Variants in KANSL1L observed in about 807,000 individuals in gnomAD.
KANSL1L encodes the protein KAT8 regulatory NSL complex subunit 1 like, also known as KAT8 regulatory NSL complex subunit 1-like protein.
KANSL1L carries 25 observed loss-of-function variants against 108.6 expected under a neutral mutation model. That is an observed-to-expected ratio of 0.23 (90% CI 0.17 to 0.32). KANSL1L has a LOEUF of 0.32. KANSL1L is among the 10% of genes least tolerant of loss of function. The probability of loss-of-function intolerance (pLI) is 1.00; values close to 1 mark genes in which losing one functional copy is unlikely to be tolerated. For missense variants in KANSL1L, 1,137 were observed against 1,125.7 expected (o/e 1.01, Z -0.14); for synonymous variants, 405 against 395.1 (o/e 1.03, Z -0.30).
intron 6 of KANSL1L, among the ~76,000 whole-genome samples, chr2:210,064,667 C>T (rs1198495813): frequency 2.0e-5 from 3 of 151,520 alleles, no homozygotes; most frequent in Non-Finnish European, 2.9e-5. Context: ...TTAAAATTAC[C>T]TGGGTGTGGC....
In KANSL1L at chr2:210,153,751, G is replaced by T. The variant is rs759774864; in HGVS notation, c.832C>A (p.Pro278Thr). Residue 278 changes from proline (P) to threonine (T), a missense_variant, in exon 2 of 15, where the codon CCT (proline) becomes ACT (threonine). By Grantham distance (38) the Pro-to-Thr change is conservative. Coordinates refer to ENST00000281772, the MANE Select transcript of KANSL1L (RefSeq NM_152519.4). Reference sequence around the variant, plus strand: ...AAACTATTACCCAAAATTGTGGTAGGTTCATGAAATGTCTTCATTTTGGGG... The same window carrying T: ...AAACTATTACCCAAAATTGTGGTAGTTTCATGAAATGTCTTCATTTTGGGG... Reference protein sequence around the residue: ...QLPKMKTFHEPTTILGNSLPK... With the variant: ...QLPKMKTFHETTTILGNSLPK... 35 of 1,610,560 alleles carry T rather than the reference G, an allele frequency of 2.2e-5. No homozygotes were observed. In the South Asian group the frequency reaches 3.8e-4, roughly 17 times the overall value.
chr2:210,062,987 A>G (rs2094434521), intron 6 of KANSL1L, among the ~76,000 whole-genome samples: 1 of 152,204 alleles, frequency 6.6e-6, no homozygotes, highest in Admixed American at 6.5e-5. Flanking sequence ...AGAGGTCTTC[A>G]TAGCAGCCCC....
chr2:210,125,359 T>A (rs1053403584), intron 3 of KANSL1L, among the ~76,000 whole-genome samples: 3 of 152,196 alleles, frequency 2.0e-5, no homozygotes, highest in African/African-American at 7.2e-5. Flanking sequence ...CTGAATCTGA[T>A]GACTTCAATG....
chr2:210,113,034 A>G (rs913207744), intron 3 of KANSL1L, among the ~76,000 whole-genome samples: 1 of 152,200 alleles, frequency 6.6e-6, no homozygotes, highest in Non-Finnish European at 1.5e-5. Flanking sequence ...GGTAGGGGAA[A>G]AGGACCCTGT....
At position 210,022,477 on chromosome 2, in the gene KANSL1L, G is replaced by A. The variant is rs1377153768; in HGVS notation, c.*472C>T. 6.3e-6 allele frequency: 1 copy of A among 157,966 alleles called. No individual in the cohort carries two copies. The highest frequency in any genetic ancestry group is 1.4e-5 in the Non-Finnish European group (1 of 71,992). 9.8% of individuals were successfully genotyped at this position (157,966 alleles called of 1,614,324 possible). ...TGCCAGTGTTTTAAAAACTACATAG[G>A]GGTGTGTGTGTGTGTGTATGTTTAT... On this transcript the variant is annotated 3_prime_UTR_variant, in exon 15 of 15. Transcript: ENST00000281772.
chr2:210,116,414 C>T (rs143083160), intron 3 of KANSL1L, among the ~76,000 whole-genome samples: 84 of 152,286 alleles, frequency 5.5e-4, no homozygotes, highest in African/African-American at 1.9e-3. Context: ...GAGACACAGA[C>T]GATAGCCAGG....
intron 5 of KANSL1L, among the ~76,000 whole-genome samples, chr2:210,080,927 T>G (rs2094584663): frequency 6.6e-6 from 1 of 151,758 alleles, no homozygotes; most frequent in African/African-American, 2.4e-5. Flanking sequence ...GCCAACATGG[T>G]GAAACCCTGT....
chr2:210,092,776 C>T (rs935859699), intron 5 of KANSL1L, among the ~76,000 whole-genome samples: 3 of 152,136 alleles, frequency 2.0e-5, no homozygotes, highest in African/African-American at 4.8e-5. Flanking sequence ...AAAAAAGGTG[C>T]CTTCCTCCAG....
intron 5 of KANSL1L, chr2:210,097,450 T>C (rs2094747979): frequency 3.7e-6 from 1 of 272,354 alleles, no homozygotes; most frequent in Non-Finnish European, 5.6e-6. Context: ...TAAAATGATA[T>C]TCTATTGGTA....
intron 6 of KANSL1L, among the ~76,000 whole-genome samples, chr2:210,065,999 T>G (rs1030139614): frequency 6.6e-6 from 1 of 152,146 alleles, no homozygotes; most frequent in African/African-American, 2.4e-5. Flanking sequence ...TTTTTACATA[T>G]GAAAGAGGGA....
At position 210,159,968 on chromosome 2, in the gene KANSL1L, G is replaced by A. The variant is rs2095353237; in HGVS notation, c.-29-5357C>T. Among the ~76,000 whole-genome samples the A allele has an allele frequency of 2.0e-5, 3 of 152,188 alleles. No individual in the cohort carries two copies. In the South Asian group the frequency reaches 6.2e-4, roughly 31 times the overall value. ...GGAGAATGGTGTGAACCCGGGAGGTGGAGCTTGCAGTGAGCCGAGATCACG... is the reference window on the plus strand; with the variant it reads ...GGAGAATGGTGTGAACCCGGGAGGTAGAGCTTGCAGTGAGCCGAGATCACG... On this transcript the variant is annotated intron_variant, in intron 1 of 14. Coordinates refer to ENST00000281772, the MANE Select transcript of KANSL1L (RefSeq NM_152519.4).
At chr2:210,040,231 G>A (rs2094149397) in intron 8 of KANSL1L, 189 bp downstream of exon 8, 4 of 470,318 alleles carry the variant, frequency 8.5e-6, no homozygotes, top group African/African-American at 6.1e-5. Context: ...CAATTCAATA[G>A]GTATCGCACA....
chr2:210,022,090 A>T lies in KANSL1L; in HGVS notation c.*859T>A, dbSNP rs1432481875. 6.6e-6 allele frequency: 1 copy of T among 151,130 alleles called. No homozygotes were observed. Among genetic ancestry groups the T allele is most frequent in the Non-Finnish European group, 1.5e-5 (1 of 67,818 alleles). 9.4% of individuals were successfully genotyped at this position (151,130 alleles called of 1,614,324 possible). A position where few individuals can be genotyped will look rare whatever the true frequency, so the allele number is the denominator to read the frequency against. Reference sequence around the variant, plus strand: ...CTGGTGTCTTCTCTTCATGAGACACATTAATTGGTAAAACTCAAATTGAGT... The same window carrying T: ...CTGGTGTCTTCTCTTCATGAGACACTTTAATTGGTAAAACTCAAATTGAGT... On this transcript the variant is annotated 3_prime_UTR_variant, in exon 15 of 15. Coordinates refer to ENST00000281772, the MANE Select transcript of KANSL1L (RefSeq NM_152519.4).
At chr2:210,032,323 A>C (rs1575372480) in intron 8 of KANSL1L, 1 of 152,252 alleles carries the variant, frequency 6.6e-6, no homozygotes, top group Non-Finnish European at 1.5e-5. Context: ...ACATAGGTAC[A>C]TGCACAGATA....
In KANSL1L at chr2:210,154,368, T is replaced by G. The variant is rs2095321896; in HGVS notation, c.215A>C (p.Gln72Pro). 6.2e-7 allele frequency: 1 copy of G among 1,611,230 alleles called. No homozygotes were observed. The highest frequency in any genetic ancestry group is 8.5e-7 in the Non-Finnish European group (1 of 1,178,884). The change falls in exon 2 of 15, where the codon CAG (glutamine) becomes CCG (proline). Residue 72 changes from glutamine to proline, a missense_variant. Gln to Pro is a moderately conservative substitution (Grantham distance 76). Around this residue, in one of 3 missense-constraint regions of KANSL1L, gnomAD observed 556 missense variants for 537.7 expected, o/e 1.03. Transcript: ENST00000281772. ...AACAGTCTGGTAATGTTTTGAAGAC[T>G]GAGGGGAGCCAAAATGTTTTAAATT... is the stretch of plus-strand genomic sequence containing the variant. ...FVNLKHFGSPQSSKHYQTVFL... is the reference protein window; with the variant it reads ...FVNLKHFGSPPSSKHYQTVFL...
intron 2 of KANSL1L, among the ~76,000 whole-genome samples, chr2:210,129,675 C>A (rs1438027927): frequency 6.6e-6 from 1 of 152,060 alleles, no homozygotes; most frequent in Admixed American, 6.6e-5. Context: ...TTATTTAAAT[C>A]ATTTTTTAAA....
intron 6 of KANSL1L, among the ~76,000 whole-genome samples, chr2:210,048,148 T>G (rs2094246200): frequency 6.6e-6 from 1 of 152,148 alleles, no homozygotes; most frequent in Non-Finnish European, 1.5e-5. Context: ...TGCTCTGAAG[T>G]GAAAACTGGC....
rs79281268 is a variant in KANSL1L, at chr2:210,067,611, G to A, written c.1755+7941C>T. ...TCAGCTACTCCGGAGGCTGAGGTGGGGGTATTGTTTGAGAGCTTGAGCCCT... is the reference window on the plus strand; with the variant it reads ...TCAGCTACTCCGGAGGCTGAGGTGGAGGTATTGTTTGAGAGCTTGAGCCCT... On this transcript the variant is annotated intron_variant, in intron 6 of 14. Transcript: ENST00000281772. Among the ~76,000 whole-genome samples the A allele has an allele frequency of 1.5e-3, 228 of 151,288 alleles. 7 individuals are homozygous for A. In the East Asian group the frequency reaches 0.032, roughly 21 times the overall value.
In KANSL1L at chr2:210,071,972, T is replaced by C. The variant is rs962790472; in HGVS notation, c.1755+3580A>G. Among the ~76,000 whole-genome samples, 3 of 152,356 alleles carry C rather than the reference T, an allele frequency of 2.0e-5. No individual in the cohort carries two copies. The South Asian group carries it at 6.2e-4, about 32-fold the overall frequency. On this transcript the variant is annotated intron_variant, in intron 6 of 14. Coordinates refer to ENST00000281772, the MANE Select transcript of KANSL1L (RefSeq NM_152519.4). ...ATTTTACCCTTAATATTTCAATGTG[T>C]ATTTCATAGAATAAGGATATTTTCT...
Sources: gnomAD v4.1 joint callset for allele counts (sites outside exome capture counted in the v4.1 genomes callset) on GRCh38, gnomAD v4.1.1 for gene constraint, gnomAD v4.1.1 regional missense constraint, MANE v1.5 for transcripts, NCBI Gene and HGNC (gene_info 2026-07-23, HGNC 2026-07-21) for gene names.